Variants in STXBP6 observed in about 807,000 individuals in gnomAD.
STXBP6 encodes the protein syntaxin binding protein 6, also known as syntaxin-binding protein 6.
A neutral mutation model predicts 26.9 loss-of-function variants in STXBP6; 21 were observed. The observed-to-expected ratio is 0.78, with a 90% confidence interval of 0.55 to 1.12. STXBP6 has a LOEUF of 1.12. Among genes scored for constraint, STXBP6 ranks in the 50% most tolerant of loss-of-function variants. The pLI, the probability that STXBP6 is intolerant of heterozygous loss-of-function variation, is 0.00. For synonymous variants in STXBP6, 97 were observed against 92.6 expected, an observed-to-expected ratio of 1.05 and a Z score of -0.27; for missense variants, 232 against 257.9, an observed-to-expected ratio of 0.90 and a Z score of 0.69.
intron 2 of STXBP6, among the ~76,000 whole-genome samples, chr14:24,933,060 G>T (rs1194936214): frequency 3.9e-5 from 6 of 152,180 alleles, no homozygotes; most frequent in African/African-American, 1.2e-4. Context: ...CACATCACTG[G>T]GCTGGGCATG....
At chr14:24,988,357 A>G (rs1361455466) in intron 1 of STXBP6, among the ~76,000 whole-genome samples, 1 of 152,202 alleles carries the variant, frequency 6.6e-6, no homozygotes, top group Non-Finnish European at 1.5e-5. Flanking sequence ...ATATTCAAAG[A>G]AAAAATTGTC....
intron 2 of STXBP6, among the ~76,000 whole-genome samples, chr14:24,962,286 ATTT>A: frequency 7.0e-6 from 1 of 142,586 alleles, no homozygotes; most frequent in African/African-American, 2.7e-5. Context: ...AGTACAAGAT[ATTT>A]TATTTATTTA....
chr14:25,028,301 T>C (rs1203132136), intron 1 of STXBP6, among the ~76,000 whole-genome samples: 1 of 152,192 alleles, frequency 6.6e-6, no homozygotes, highest in African/African-American at 2.4e-5. Flanking sequence ...AGGATGACTT[T>C]CTTGTTAGAG....
chr14:24,943,832 T>C (rs2072373185), intron 2 of STXBP6, among the ~76,000 whole-genome samples: 1 of 152,236 alleles, frequency 6.6e-6, no homozygotes, highest in South Asian at 2.1e-4. Context: ...GCTTTGACTC[T>C]GAAGTACCAA....
At chr14:24,833,071 C>T (rs769728315) in intron 4 of STXBP6, among the ~76,000 whole-genome samples, 1 of 152,204 alleles carries the variant, frequency 6.6e-6, no homozygotes, top group Non-Finnish European at 1.5e-5. Context: ...CATCAGTCTT[C>T]TCTTTCATAT....
intron 2 of STXBP6, among the ~76,000 whole-genome samples, chr14:24,937,654 AT>A (rs1223347505): frequency 7.9e-5 from 12 of 152,310 alleles, no homozygotes; most frequent in Middle Eastern, 3.4e-3. Flanking sequence ...AAATACAGTA[AT>A]TTATATTATC....
chr14:25,037,708 CA>C (rs368045755), intron 1 of STXBP6, among the ~76,000 whole-genome samples: 275 of 152,294 alleles, frequency 1.8e-3, no homozygotes, highest in South Asian at 9.1e-3. Context: ...CTAAAGTATT[CA>C]AAAGTATGTA....
chr14:24,987,539 G>C (rs758241501), intron 1 of STXBP6, among the ~76,000 whole-genome samples: 1 of 152,246 alleles, frequency 6.6e-6, no homozygotes, highest in Non-Finnish European at 1.5e-5. Context: ...ATTTGCAAAA[G>C]CATGTTCATC....
intron 2 of STXBP6, among the ~76,000 whole-genome samples, chr14:24,939,800 T>A (rs1389751679): frequency 6.6e-6 from 1 of 152,252 alleles, no homozygotes; most frequent in African/African-American, 2.4e-5. Flanking sequence ...TACATTTTTT[T>A]AATACTGAGT....
chr14:24,821,619 A>G (rs564004532), intron 4 of STXBP6, among the ~76,000 whole-genome samples: 4 of 152,274 alleles, frequency 2.6e-5, no homozygotes, highest in African/African-American at 9.6e-5. Context: ...TCCAGTTTCA[A>G]TTCTACCCAC....
chr14:24,924,402 A>T (rs1184114247), intron 2 of STXBP6, among the ~76,000 whole-genome samples: 2 of 152,230 alleles, frequency 1.3e-5, no homozygotes, highest in East Asian at 3.8e-4. Context: ...ACTCTCCATT[A>T]CCTAAAAGAC....
At chr14:24,962,056 G>A (rs1378729018) in intron 2 of STXBP6, among the ~76,000 whole-genome samples, 1 of 152,090 alleles carries the variant, frequency 6.6e-6, no homozygotes, top group African/African-American at 2.4e-5. Flanking sequence ...GCAGAACATA[G>A]GACTGAGTCT....
At chr14:25,018,744 G>A (rs2075206357) in intron 1 of STXBP6, among the ~76,000 whole-genome samples, 1 of 152,220 alleles carries the variant, frequency 6.6e-6, no homozygotes, top group South Asian at 2.1e-4. Flanking sequence ...CACTGTAGAT[G>A]CTGAAGTCTG....
chr14:24,840,104 T>C (rs1555309663), intron 4 of STXBP6, among the ~76,000 whole-genome samples: 1 of 152,196 alleles, frequency 6.6e-6, no homozygotes, highest in Non-Finnish European at 1.5e-5. Flanking sequence ...TACTCTATTT[T>C]ACAAAAAACA....
At chr14:24,878,052 C>A (rs1335469573) in intron 2 of STXBP6, among the ~76,000 whole-genome samples, 1 of 151,960 alleles carries the variant, frequency 6.6e-6, no homozygotes, top group African/African-American at 2.4e-5. Context: ...TTTCTTTTTG[C>A]CCATTTTTCT....
chr14:24,908,722 A>G (rs1388352059), intron 2 of STXBP6, among the ~76,000 whole-genome samples: 1 of 152,150 alleles, frequency 6.6e-6, no homozygotes, highest in East Asian at 1.9e-4. Flanking sequence ...ATTTCCTCAT[A>G]AGGCTTGTGT....
intron 2 of STXBP6, among the ~76,000 whole-genome samples, chr14:24,912,535 G>A (rs1335733804): frequency 6.6e-6 from 1 of 151,328 alleles, no homozygotes; most frequent in Non-Finnish European, 1.5e-5. Context: ...ATAGGAATTT[G>A]CAATTAGATC....
rs968624228 is a variant in STXBP6, at chr14:24,811,027, G to C, written c.*1682C>G. On this transcript the variant is annotated 3_prime_UTR_variant, in exon 6 of 6. Coordinates refer to ENST00000323944, the MANE Select transcript of STXBP6 (RefSeq NM_001394410.1). Reference sequence around the variant, plus strand: ...GTTCCTCGCTTCTTTAAATTTTTAAGACACCAAAAAGAAAGTATAAAATAT... The same window carrying C: ...GTTCCTCGCTTCTTTAAATTTTTAACACACCAAAAAGAAAGTATAAAATAT... The C allele has an allele frequency of 2.6e-5, 4 of 152,002 alleles. No individual in the cohort carries two copies. The highest frequency in any genetic ancestry group is 9.7e-5 in the African/African-American group (4 of 41,368). The allele number at this position is 152,002 out of a possible 1,614,324, so 9.4% of individuals were successfully genotyped here.
At chr14:24,982,155 A>C (rs2074210778) in intron 1 of STXBP6, among the ~76,000 whole-genome samples, 2 of 152,212 alleles carry the variant, frequency 1.3e-5, no homozygotes. Flanking sequence ...GTTTTAAGGC[A>C]CATTCTTTCC....
Sources: allele counts gnomAD v4.1 joint callset (sites outside exome capture counted in the v4.1 genomes callset), GRCh38; gene constraint gnomAD v4.1.1; transcripts MANE v1.5; gene names NCBI Gene and HGNC (gene_info 2026-07-23, HGNC 2026-07-21).